ZNF254: variants seen among roughly 807,000 people sequenced by gnomAD.
ZNF254 encodes the protein zinc finger protein 254, also known as CTD-2017D11.1.
Under a neutral mutation model 12.4 loss-of-function variants are expected in ZNF254, and 10 were observed. The observed-to-expected ratio is 0.80, with a 90% CI of 0.50 to 1.36. The LOEUF (loss-of-function observed/expected upper bound fraction) is 1.36. Ranked by LOEUF, ZNF254 falls within the 40% of genes most tolerant of loss-of-function variation. The probability of loss-of-function intolerance (pLI) is 0.00; values close to 1 mark genes in which losing one functional copy is unlikely to be tolerated. For missense variants in ZNF254, 996 were observed against 763.9 expected (o/e 1.30, Z -3.58); for synonymous variants, 305 against 253.4 (o/e 1.20, Z -1.93).
Position 24,044,532 on chromosome 19 carries a change from A to G in ZNF254, c.-189-1652A>G, listed in dbSNP as rs1489453227. 4.1e-5 allele frequency among the ~76,000 whole-genome samples: 5 copies of G among 123,376 alleles called. 1 individual carries two copies. The highest frequency in any genetic ancestry group is 1.0e-4 in the African/African-American group (3 of 29,076). 80.9% of individuals were successfully genotyped at this position (123,376 alleles called of 152,430 possible). A position where few individuals can be genotyped will look rare whatever the true frequency, so the allele number is the denominator to read the frequency against. On this transcript the variant is annotated intron_variant, in intron 1 of 4. Coordinates refer to the ZNF254 transcript ENST00000613065. ...CAGCCTGGGTGACAGAGCGAGACTC[A>G]GTCTCAAAAAAAAAAATAAATAAAT...
chr19:24,046,403 G>C (rs952490643), intron 2 of ZNF254: 13 of 97,464 alleles, frequency 1.3e-4, no homozygotes, highest in African/African-American at 6.2e-4. Flanking sequence ...ATATATATGT[G>C]CAGATCTGTT....
chr19:24,050,873 T>A (rs1031918089), intron 2 of ZNF254, among the ~76,000 whole-genome samples: 2 of 151,788 alleles, frequency 1.3e-5, no homozygotes, highest in Non-Finnish European at 2.9e-5. Context: ...AAATTTTTTT[T>A]ATGTTTTCAG....
rs757693808 is a variant in ZNF254 at position 24,122,455 on chromosome 19, C to A, written c.254-3799C>A. On this transcript the variant is annotated intron_variant, in intron 3 of 3. Coordinates refer to ENST00000357002, the MANE Select transcript of ZNF254 (RefSeq NM_203282.4). ...GGCCAGGCTGGTTTTAAACTCCTGA[C>A]CTTAGGTGATCCACCCGCTTGGGTC... Among the ~76,000 whole-genome samples, 3 of 152,048 alleles carry A rather than the reference C, an allele frequency of 2.0e-5. No homozygotes were observed. In the East Asian group the frequency reaches 5.8e-4, roughly 29 times the overall value.
At chr19:24,057,126 A>G (rs1218676534) in intron 2 of ZNF254, among the ~76,000 whole-genome samples, 1 of 152,214 alleles carries the variant, frequency 6.6e-6, no homozygotes, top group African/African-American at 2.4e-5. Flanking sequence ...CATATTGTAT[A>G]AAGTCCTCAA....
chr19:24,063,949 C>T (rs1971175165), intron 2 of ZNF254: 1 of 152,068 alleles, frequency 6.6e-6, no homozygotes, highest in Non-Finnish European at 1.5e-5. Flanking sequence ...GAGGTAAATG[C>T]CCGTTTTACC....
intron 3 of ZNF254, among the ~76,000 whole-genome samples, chr19:24,125,290 T>G (rs2146000318): frequency 6.6e-6 from 1 of 151,890 alleles, no homozygotes; most frequent in East Asian, 1.9e-4. Flanking sequence ...ACAATTTGTT[T>G]TTTGATATCT....
At chr19:24,088,100 G>C (rs1408849752) in intron 1 of ZNF254, among the ~76,000 whole-genome samples, 2 of 151,828 alleles carry the variant, frequency 1.3e-5, no homozygotes, top group African/African-American at 4.8e-5. Context: ...TAGAGACGGG[G>C]TTTTACCATG....
chr19:24,056,583 G>A (rs1338310280), intron 2 of ZNF254, among the ~76,000 whole-genome samples: 1 of 152,156 alleles, frequency 6.6e-6, no homozygotes, highest in Non-Finnish European at 1.5e-5. Flanking sequence ...TCTCCTGTAT[G>A]GACCATGACA....
intron 3 of ZNF254, chr19:24,107,104 A>G: frequency 2.1e-6 from 1 of 477,304 alleles, no homozygotes; most frequent in South Asian, 4.2e-5. Flanking sequence ...TCATTACTGT[A>G]GTCTTGAAAT....
Position 24,128,052 on chromosome 19 carries a change from A to T in ZNF254, c.*72A>T, listed in dbSNP as rs978116795. ...AGATTATTCCTACTGGAGAGAAACT[A>T]CAAACCTGAGAGAGGCGCTAATGCT... On this transcript the variant is annotated 3_prime_UTR_variant, in exon 4 of 4. Coordinates refer to ENST00000357002, the MANE Select transcript of ZNF254 (RefSeq NM_203282.4). The T allele has an allele frequency of 2.1e-6, 3 of 1,421,810 alleles. No individual in the cohort carries two copies. In the Admixed American group the frequency reaches 7.5e-5, roughly 35 times the overall value. The allele number at this position is 1,421,810 out of a possible 1,614,324, so 88.1% of individuals were successfully genotyped here.
At chr19:24,091,299 C>G (rs1338737397) in intron 1 of ZNF254, among the ~76,000 whole-genome samples, 2 of 128,380 alleles carry the variant, frequency 1.6e-5, no homozygotes, top group African/African-American at 6.0e-5. Context: ...TGGTAGCTAC[C>G]AAGGAAAAAA....
intron 1 of ZNF254, among the ~76,000 whole-genome samples, chr19:24,099,783 A>G (rs1347885150): frequency 6.6e-6 from 1 of 152,218 alleles, no homozygotes; most frequent in Non-Finnish European, 1.5e-5. Context: ...CAGTCTCTTA[A>G]GTAGACTGAC....
chr19:24,102,771 A>G lies in ZNF254; in HGVS notation c.31-3169A>G, dbSNP rs1182086006. 2.6e-5 allele frequency among the ~76,000 whole-genome samples: 4 copies of G among 152,238 alleles called. No homozygotes were observed. In the East Asian group the frequency reaches 7.7e-4, roughly 29 times the overall value. ...TGTTTTCTGTTCCTGCAGATATAGT[A>G]GTTGATTCACAAGTCACAAAATAGC... On this transcript the variant is annotated intron_variant, in intron 1 of 3. Transcript: ENST00000357002.
intron 2 of ZNF254, among the ~76,000 whole-genome samples, chr19:24,047,208 C>G (rs1970424725): frequency 1.3e-5 from 2 of 151,726 alleles, no homozygotes; most frequent in East Asian, 1.9e-4. Flanking sequence ...CTTTTTGTCT[C>G]TCTCTTTCTA....
chr19:24,044,112 C>T (rs916619386), intron 1 of ZNF254, among the ~76,000 whole-genome samples: 1 of 151,932 alleles, frequency 6.6e-6, no homozygotes, highest in South Asian at 2.1e-4. Context: ...TGCTGGCAGG[C>T]GCCTGTAATC....
chr19:24,073,080 T>G (rs1971537274), intron 2 of ZNF254, among the ~76,000 whole-genome samples: 1 of 152,208 alleles, frequency 6.6e-6, no homozygotes, highest in Non-Finnish European at 1.5e-5. Context: ...TTACTTTTCT[T>G]TCACATTTTA....
At chr19:24,093,703 T>A (rs1384411141) in intron 1 of ZNF254, among the ~76,000 whole-genome samples, 1 of 152,250 alleles carries the variant, frequency 6.6e-6, no homozygotes, top group African/African-American at 2.4e-5. Context: ...GTAGTATAAT[T>A]TGAAGACAGG....
At chr19:24,122,787 G>C (rs7252836) in intron 3 of ZNF254, among the ~76,000 whole-genome samples, 22,762 of 151,136 alleles carry the variant, frequency 0.15, 1,711 homozygotes, top group Middle Eastern at 0.17. Context: ...TTTACCTATT[G>C]GCTTACAGTA....
intron 2 of ZNF254, chr19:24,079,209 T>C (rs1283326907): frequency 1.3e-5 from 2 of 152,288 alleles, no homozygotes; most frequent in East Asian, 1.9e-4. Flanking sequence ...GAGTTGGACA[T>C]ACAAGATGAT....
Sources: allele counts gnomAD v4.1 joint callset (sites outside exome capture counted in the v4.1 genomes callset), GRCh38; gene constraint gnomAD v4.1.1; transcripts MANE v1.5; gene names NCBI Gene and HGNC (gene_info 2026-07-23, HGNC 2026-07-21).